The following NYAP2 variants were observed in gnomAD, a reference collection of about 807,000 sequenced individuals.
NYAP2 encodes neuronal tyrosine-phosphorylated phosphoinositide-3-kinase adaptor 2, also known as neuronal tyrosine-phosphorylated phosphoinositide-3-kinase adapter 2.
A neutral mutation model predicts 50.4 loss-of-function variants in NYAP2; 23 were observed. The ratio of observed to expected loss-of-function variants is 0.46; its 90% CI spans 0.33 to 0.65. The LOEUF (loss-of-function observed/expected upper bound fraction) is 0.65. Ranked by LOEUF, NYAP2 falls within the 30% of genes least tolerant of loss-of-function variation. NYAP2 has a pLI of 0.02. For synonymous variants in NYAP2, 394 were observed against 365.2 expected (o/e 1.08, Z -0.90); for missense variants, 885 against 861.0 (o/e 1.03, Z -0.35).
intron 3 of NYAP2, among the ~76,000 whole-genome samples, chr2:225,495,564 T>C (rs538315028): frequency 2.0e-5 from 3 of 151,982 alleles, no homozygotes; most frequent in African/African-American, 7.2e-5. Context: ...AGATAATTTG[T>C]TTTTTTGTTG....
intron 5 of NYAP2, among the ~76,000 whole-genome samples, chr2:225,598,613 CAT>C (rs1210721738): frequency 6.6e-6 from 1 of 152,112 alleles, no homozygotes; most frequent in Non-Finnish European, 1.5e-5. Flanking sequence ...TATTTTAAAA[CAT>C]GTGTGTAACC....
intron 3 of NYAP2, among the ~76,000 whole-genome samples, chr2:225,480,394 T>C (rs1402231812): frequency 6.6e-6 from 1 of 151,996 alleles, no homozygotes; most frequent in East Asian, 1.9e-4. Context: ...AATGGAGATA[T>C]GAAGGAGAGA....
chr2:225,670,606 A>AG, the NYAP2 span, among the ~76,000 whole-genome samples: 1 of 11,246 alleles, frequency 8.9e-5, no homozygotes, highest in African/African-American at 1.2e-3. Context: ...AGTATTTTCC[A>AG]AAAAAAAAAA....
At chr2:225,449,716 C>A (rs1689619417) in intron 3 of NYAP2, among the ~76,000 whole-genome samples, 1 of 146,536 alleles carries the variant, frequency 6.8e-6, no homozygotes, top group Non-Finnish European at 1.5e-5. Flanking sequence ...TCAAGTGATT[C>A]TCTTGCCTCG....
the NYAP2 span, among the ~76,000 whole-genome samples, chr2:225,668,746 T>C: frequency 2.6e-5 from 4 of 151,994 alleles, no homozygotes; most frequent in African/African-American, 9.7e-5. Context: ...GTGTGTCAGC[T>C]GCACTCTCCT....
rs116392482 is a variant in NYAP2 at position 225,511,185 on chromosome 2, C to T, written c.222-2186C>T. Among the ~76,000 whole-genome samples, 1,498 of 152,164 alleles carry T rather than the reference C, an allele frequency of 9.8e-3. 31 individuals carry two copies. The highest frequency in any genetic ancestry group is 0.034 in the African/African-American group (1,431 of 41,514). ...TCTATGAGAAAGATCAAAACCACAACCATCACAAACTGAAGACAGACCTTC... is the reference window on the plus strand; with the variant it reads ...TCTATGAGAAAGATCAAAACCACAATCATCACAAACTGAAGACAGACCTTC... On this transcript the variant is annotated intron_variant, in intron 3 of 6. Coordinates refer to ENST00000636099, the Ensembl canonical transcript of NYAP2.
chr2:225,623,421 A>G (rs958469656), intron 5 of NYAP2, among the ~76,000 whole-genome samples: 4 of 152,240 alleles, frequency 2.6e-5, no homozygotes, highest in African/African-American at 9.6e-5. Flanking sequence ...TTTTCAGCCA[A>G]TCACAGACTG....
At chr2:225,531,711 G>A (rs967875251) in intron 4 of NYAP2, among the ~76,000 whole-genome samples, 1 of 152,222 alleles carries the variant, frequency 6.6e-6, no homozygotes, top group Admixed American at 6.5e-5. Flanking sequence ...GAAAAGCATG[G>A]TGATTTATGA....
intron 4 of NYAP2, among the ~76,000 whole-genome samples, chr2:225,558,421 A>G (rs1039245527): frequency 6.6e-6 from 1 of 152,152 alleles, no homozygotes; most frequent in Non-Finnish European, 1.5e-5. Flanking sequence ...TGTGGAAATC[A>G]GTAAATGATA....
chr2:225,513,059 A>G (rs940340597), intron 3 of NYAP2, among the ~76,000 whole-genome samples: 4 of 152,202 alleles, frequency 2.6e-5, no homozygotes, highest in African/African-American at 9.7e-5. Context: ...TTGCACGTCA[A>G]AATGAATCTG....
chr2:225,554,109 T>C (rs1277667186), intron 4 of NYAP2, among the ~76,000 whole-genome samples: 2 of 152,158 alleles, frequency 1.3e-5, no homozygotes, highest in Non-Finnish European at 2.9e-5. Flanking sequence ...CATTCATTAC[T>C]AATCCTTTTA....
chr2:225,549,984 C>CA (rs1245337966), intron 4 of NYAP2, among the ~76,000 whole-genome samples: 15 of 143,340 alleles, frequency 1.0e-4, no homozygotes, highest in African/African-American at 3.7e-4. Flanking sequence ...GACTCTGTCT[C>CA]AAAAAAATAA....
intron 4 of NYAP2, among the ~76,000 whole-genome samples, chr2:225,559,601 G>A (rs919730165): frequency 1.3e-5 from 2 of 151,978 alleles, no homozygotes; most frequent in Non-Finnish European, 2.9e-5. Flanking sequence ...CCCATGGTTC[G>A]ATTTAAACCT....
intron 3 of NYAP2, among the ~76,000 whole-genome samples, chr2:225,433,487 T>C (rs1356365201): frequency 6.6e-6 from 1 of 152,014 alleles, no homozygotes; most frequent in Non-Finnish European, 1.5e-5. Context: ...AAGAAATGTA[T>C]AGTCAAATTT....
At chr2:225,665,604 T>C in the NYAP2 span, among the ~76,000 whole-genome samples, 1 of 140,636 alleles carries the variant, frequency 7.1e-6, no homozygotes, top group African/African-American at 2.6e-5. Context: ...AAAAAAAGAG[T>C]TGGAGACCAG....
intron 3 of NYAP2, among the ~76,000 whole-genome samples, chr2:225,476,367 C>T (rs968090167): frequency 3.3e-5 from 5 of 150,272 alleles, no homozygotes; most frequent in African/African-American, 1.2e-4. Flanking sequence ...GAGCCAAGAT[C>T]ACGCCACTGC....
chr2:225,537,367 G>A (rs564899583), intron 4 of NYAP2, among the ~76,000 whole-genome samples: 7 of 152,098 alleles, frequency 4.6e-5, no homozygotes, highest in African/African-American at 9.6e-5. Flanking sequence ...AGACATACCC[G>A]AGACTGGGCA....
intron 3 of NYAP2, among the ~76,000 whole-genome samples, chr2:225,498,191 A>G (rs2106175663): frequency 6.6e-6 from 1 of 152,208 alleles, no homozygotes; most frequent in South Asian, 2.1e-4. Context: ...GCACATTTTG[A>G]TTTTTATCTT....
chr2:225,627,242 C>A, intron 6 of NYAP2, 116 bp downstream of exon 6: 1 of 778,548 alleles, frequency 1.3e-6, no homozygotes. Context: ...CACAGAGAGG[C>A]ACCACAAGTA....
Sources: allele counts gnomAD v4.1 joint callset (sites outside exome capture counted in the v4.1 genomes callset), GRCh38; gene constraint gnomAD v4.1.1; transcripts MANE v1.5; gene names NCBI Gene and HGNC (gene_info 2026-07-23, HGNC 2026-07-21).